The following RBCK1 variants were observed in gnomAD, a reference collection of about 807,000 sequenced individuals.
RBCK1 encodes the protein RANBP2-type and C3HC4-type zinc finger containing 1, also known as ranBP-type and C3HC4-type zinc finger-containing protein 1.
RBCK1 carries 44 observed loss-of-function variants against 71.1 expected under a neutral mutation model. That is an observed-to-expected ratio of 0.62 (90% CI 0.49 to 0.80). The LOEUF (loss-of-function observed/expected upper bound fraction) is 0.80, where lower values mean the gene tolerates loss of function less well. Ranked by LOEUF, RBCK1 falls within the 30% of genes least tolerant of loss-of-function variation. RBCK1 has a pLI of 0.00. For missense variants in RBCK1, 569 were observed against 685.0 expected (o/e 0.83, Z 1.89); for synonymous variants, 306 against 279.7 (o/e 1.09, Z -0.94).
rs765582031 is a variant in RBCK1 at position 419,378 on chromosome 20, G to T, written c.492G>T (p.Pro164=). The change falls in exon 5 of 12, where the codon CCG becomes CCT. Residue 164 remains proline (P), a synonymous_variant. Transcript: ENST00000356286. ...GCTTCAAGGACCTCACGCTGCAGCCGCGGGGCCCTCTGGAGCCAGGCCCCC... is the reference window on the plus strand; with the variant it reads ...GCTTCAAGGACCTCACGCTGCAGCCTCGGGGCCCTCTGGAGCCAGGCCCCC... ...DLGFKDLTLQ[P]RGPLEPGPPK... is the part of the protein sequence containing the mutation. 5.0e-6 allele frequency: 8 copies of T among 1,612,364 alleles called. No individual in the cohort carries two copies. The East Asian group carries it at 1.1e-4, about 22-fold the overall frequency.
At position 421,035 on chromosome 20, in the gene RBCK1, C is replaced by A. The variant is rs754511518; in HGVS notation, c.917+4C>A. ...AGTGTCTGCACACCTTCTGCAGGTGCGGCCCCCAGTCCCACCCCCGGCAAT... is the reference window on the plus strand; with the variant it reads ...AGTGTCTGCACACCTTCTGCAGGTGAGGCCCCCAGTCCCACCCCCGGCAAT... On this transcript the variant is annotated splice_donor_region_variant and intron_variant, in intron 7 of 11. Coordinates refer to ENST00000356286, the MANE Select transcript of RBCK1 (RefSeq NM_031229.4). The A allele has an allele frequency of 6.5e-7, 1 of 1,543,498 alleles. No homozygotes were observed. The highest frequency in any genetic ancestry group is 8.8e-7 in the Non-Finnish European group (1 of 1,142,558).
intron 8 of RBCK1, 61 bp from the exon 9 acceptor site, chr20:427,252 G>C (rs1296111380): frequency 1.3e-6 from 2 of 1,562,062 alleles, no homozygotes; most frequent in East Asian, 2.2e-5. Flanking sequence ...GTATTTAGTG[G>C]TCAAGGGTCA....
At chr20:416,284 T>C (rs1417895380) in intron 2 of RBCK1, among the ~76,000 whole-genome samples, 2 of 151,632 alleles carry the variant, frequency 1.3e-5, no homozygotes, top group Non-Finnish European at 2.9e-5. Context: ...ATCTCCTGAG[T>C]AGCTGGGACT....
intron 6 of RBCK1, 129 bp downstream of exon 6, chr20:419,860 A>AGTGACCCTGCACCTGGCT (rs67470622): frequency 2.8e-5 from 39 of 1,414,878 alleles, no homozygotes; most frequent in African/African-American, 4.5e-5. Flanking sequence ...TGCTGCTGGC[A>AGTGACCCTGCACCTGGCT]GTGACCCTGC....
chr20:430,187 C>A lies in RBCK1; in HGVS notation c.1453-163C>A, dbSNP rs896059861. 6.6e-6 allele frequency among the ~76,000 whole-genome samples: 1 copy of A among 152,178 alleles called. No individual in the cohort carries two copies. Among genetic ancestry groups the A allele is most frequent in the Non-Finnish European group, 1.5e-5 (1 of 68,034 alleles). On this transcript the variant is annotated intron_variant, in intron 11 of 11. Coordinates refer to ENST00000356286, the MANE Select transcript of RBCK1 (RefSeq NM_031229.4). The surrounding 1 kb of genome is among the most constrained non-coding windows in gnomAD (Gnocchi z 5.6). The stretch of plus-strand genomic sequence containing the variant: ...GTGGGTAGACTGAGTGCTGTGGGAG[C>A]CCAGAAAAGGCCTCAGTGACTCTCC...
intron 2 of RBCK1, chr20:410,747 C>T (rs1053871158): frequency 2.0e-6 from 1 of 498,318 alleles, no homozygotes; most frequent in Non-Finnish European, 3.6e-6. Context: ...CAATAATAAA[C>T]ATTAGTGTCT....
chr20:420,248 G>A (rs2016302314), intron 6 of RBCK1: 1 of 984,994 alleles, frequency 1.0e-6, no homozygotes, highest in African/African-American at 1.8e-5. Flanking sequence ...CGCCCTAGGG[G>A]GATGACCCCC....
At chr20:410,157 C>A in intron 2 of RBCK1, 132 bp downstream of exon 2, 1 of 1,041,912 alleles carries the variant, frequency 9.6e-7, no homozygotes, top group Non-Finnish European at 1.4e-6. Context: ...TGTCATTAAT[C>A]AACTGTGAAA....
chr20:424,026 C>A (rs1044915216), intron 8 of RBCK1, among the ~76,000 whole-genome samples: 2 of 152,188 alleles, frequency 1.3e-5, no homozygotes, highest in African/African-American at 4.8e-5. Context: ...TGACACTGTC[C>A]CATTGGCCAA....
intron 1 of RBCK1, among the ~76,000 whole-genome samples, chr20:409,551 C>T (rs1380740928): frequency 6.6e-6 from 1 of 151,904 alleles, no homozygotes; most frequent in Non-Finnish European, 1.5e-5. Flanking sequence ...GTTTATAAAT[C>T]TCTGTGGGAT....
chr20:420,839 A>T lies in RBCK1; in HGVS notation c.757-32A>T, dbSNP rs1568559715. On this transcript the variant is annotated intron_variant, in intron 6 of 11. Coordinates refer to ENST00000356286, the MANE Select transcript of RBCK1 (RefSeq NM_031229.4). ...GGTCTGACCCGCCCCCGAGGCCCTG[A>T]CCCGCCCCGTGGCCCCGCCCCGTGT... The T allele has an allele frequency of 1.3e-5, 20 of 1,517,238 alleles. No individual in the cohort carries two copies. The East Asian group carries it at 5.0e-4, about 38-fold the overall frequency. The allele number at this position is 1,517,238 out of a possible 1,614,324, so 94.0% of individuals were successfully genotyped here. A position where few individuals can be genotyped will look rare whatever the true frequency, so the allele number is the denominator to read the frequency against.
intron 8 of RBCK1, among the ~76,000 whole-genome samples, chr20:424,818 A>G (rs1463256142): frequency 6.6e-6 from 1 of 152,200 alleles, no homozygotes; most frequent in Non-Finnish European, 1.5e-5. Flanking sequence ...GTCTCAGAAA[A>G]TGGTCAAGTG....
In RBCK1 at chr20:428,839, A is replaced by C. The variant is rs745861091; in HGVS notation, c.1309-112A>C. ...GGAGCCTGGCCTGGCAGAGCCACAC[A>C]GGAGAGACTCCACAGCTCTAGAGGG... On this transcript the variant is annotated intron_variant, in intron 10 of 11. Transcript: ENST00000356286. This position sits in a 1 kb window ranked among gnomAD's most constrained non-coding sequence, Gnocchi z 5.7. The C allele has an allele frequency of 7.6e-6, 11 of 1,446,930 alleles. No homozygotes were observed. The highest frequency in any genetic ancestry group is 8.1e-6 in the Non-Finnish European group (9 of 1,105,870). 89.6% of individuals were successfully genotyped at this position (1,446,930 alleles called of 1,614,324 possible).
intron 8 of RBCK1, among the ~76,000 whole-genome samples, chr20:425,097 G>A (rs180959710): frequency 2.6e-5 from 4 of 151,440 alleles, no homozygotes; most frequent in African/African-American, 9.7e-5. Flanking sequence ...TGCAAGCTCC[G>A]CCTCCCGGGT....
At chr20:424,442 T>C (rs1237779409) in intron 8 of RBCK1, among the ~76,000 whole-genome samples, 3 of 152,156 alleles carry the variant, frequency 2.0e-5, no homozygotes, top group African/African-American at 7.2e-5. Flanking sequence ...CTGTCCCCCC[T>C]GCCTCTCTCC....
At chr20:413,224 C>A (rs2015803847) in intron 2 of RBCK1, among the ~76,000 whole-genome samples, 3 of 151,936 alleles carry the variant, frequency 2.0e-5, no homozygotes, top group African/African-American at 7.3e-5. Context: ...AGTTCTCCAA[C>A]TTTTGTTCTT....
chr20:410,866 TTTTA>T (rs749797934), intron 2 of RBCK1: 74 of 291,884 alleles, frequency 2.5e-4, no homozygotes, highest in East Asian at 9.0e-4. Context: ...CTTAAAACAG[TTTTA>T]TTTATTTATT....
chr20:413,469 T>A (rs141049851), intron 2 of RBCK1, among the ~76,000 whole-genome samples: 1 of 152,330 alleles, frequency 6.6e-6, no homozygotes, highest in East Asian at 1.9e-4. Context: ...ATGAGGAAGT[T>A]AACATACTCA....
rs569207010 is a variant in RBCK1 at position 421,844 on chromosome 20, T to C, written c.918-283T>C. The C allele has an allele frequency of 3.6e-3, 1,585 of 439,158 alleles. 9 individuals are homozygous for C. Among genetic ancestry groups the C allele is most frequent in the Middle Eastern group, 0.023 (37 of 1,640 alleles). The allele number at this position is 439,158 out of a possible 1,614,324, so 27.2% of individuals were successfully genotyped here. A position where few individuals can be genotyped will look rare whatever the true frequency, so the allele number is the denominator to read the frequency against. On this transcript the variant is annotated intron_variant, in intron 7 of 11. Transcript: ENST00000356286. ...ATGGCTGCTGTTCTGAGATAGACTC[T>C]AGGGGCCAGATGGATGCAGGGAGCC...
Sources: allele counts gnomAD v4.1 joint callset (sites outside exome capture counted in the v4.1 genomes callset), GRCh38; gene constraint gnomAD v4.1.1; non-coding constraint Gnocchi (gnomAD v3.1); transcripts MANE v1.5; gene names NCBI Gene and HGNC (gene_info 2026-07-23, HGNC 2026-07-21).